The following RALYL variants were observed in gnomAD, a reference collection of about 807,000 sequenced individuals.
The protein encoded by RALYL is RALY RNA binding protein like.
In RALYL, 29 loss-of-function variants were observed where a neutral mutation model predicts 35.1. That is an observed-to-expected ratio of 0.83 (90% CI 0.61 to 1.13). The LOEUF is 1.13. Among genes scored for constraint, RALYL ranks in the 50% most tolerant of loss-of-function variants. The pLI is 0.00. For synonymous variants in RALYL, 120 were observed against 127.6 expected (o/e 0.94, Z 0.40); for missense variants, 359 against 360.4 (o/e 1.00, Z 0.03).
At chr8:84,238,670 A>C (rs1424772597) in intron 1 of RALYL, among the ~76,000 whole-genome samples, 1 of 152,140 alleles carries the variant, frequency 6.6e-6, no homozygotes, top group Non-Finnish European at 1.5e-5. Context: ...AGATAGGAAA[A>C]GTGATGAAAA....
At chr8:84,891,433 G>A (rs1027141941) in intron 8 of RALYL, among the ~76,000 whole-genome samples, 2 of 152,132 alleles carry the variant, frequency 1.3e-5, no homozygotes, top group African/African-American at 2.4e-5. Context: ...ATGTTTCCTA[G>A]GAGCAATATG....
chr8:84,840,679 T>C (rs189614960), intron 4 of RALYL, among the ~76,000 whole-genome samples: 1 of 151,986 alleles, frequency 6.6e-6, no homozygotes, highest in African/African-American at 2.4e-5. Context: ...ATTCACCAAA[T>C]TTGAAATGAA....
chr8:84,688,316 G>A lies in RALYL; in HGVS notation c.257-86263G>A, dbSNP rs371503659. ...ATAAAGGCAAATATGTATCCAATAAGATAATTTCAAAATATACTACAATGT... is the reference window on the plus strand; with the variant it reads ...ATAAAGGCAAATATGTATCCAATAAAATAATTTCAAAATATACTACAATGT... On this transcript the variant is annotated intron_variant, in intron 2 of 8. Coordinates refer to ENST00000521268, the MANE Select transcript of RALYL (RefSeq NM_173848.7). Among the ~76,000 whole-genome samples the A allele has an allele frequency of 1.1e-4, 16 of 152,076 alleles. No individual in the cohort carries two copies. The East Asian group carries it at 2.5e-3, about 24-fold the overall frequency.
chr8:84,781,256 A>C (rs1818087409), intron 3 of RALYL, among the ~76,000 whole-genome samples: 1 of 152,232 alleles, frequency 6.6e-6, no homozygotes, highest in Non-Finnish European at 1.5e-5. Context: ...AACTTCTTTA[A>C]AAATAAAATT....
At chr8:84,357,378 A>G (rs1056446114) in intron 1 of RALYL, among the ~76,000 whole-genome samples, 1 of 152,020 alleles carries the variant, frequency 6.6e-6, no homozygotes, top group Admixed American at 6.6e-5. Flanking sequence ...TATAGCTGTT[A>G]CAGACATTCA....
chr8:84,422,432 T>A (rs1233575227), intron 1 of RALYL, among the ~76,000 whole-genome samples: 3 of 133,752 alleles, frequency 2.2e-5, no homozygotes, highest in Non-Finnish European at 4.7e-5. Context: ...ATTTGATTCT[T>A]CTCTCTTTTT....
intron 8 of RALYL, among the ~76,000 whole-genome samples, chr8:84,887,982 G>A (rs1193080074): frequency 6.6e-6 from 1 of 152,178 alleles, no homozygotes; most frequent in Non-Finnish European, 1.5e-5. Flanking sequence ...CTAAATGAAG[G>A]AGCAAAATAA....
intron 2 of RALYL, among the ~76,000 whole-genome samples, chr8:84,580,087 C>A (rs1172272734): frequency 6.6e-6 from 1 of 152,114 alleles, no homozygotes; most frequent in Non-Finnish European, 1.5e-5. Flanking sequence ...ATACTTATGG[C>A]ACATCTCTAT....
intron 5 of RALYL, 43 bp from the exon 6 acceptor site, chr8:84,862,253 C>T (rs375399628): frequency 1.4e-4 from 202 of 1,405,996 alleles, no homozygotes; most frequent in Non-Finnish European, 1.8e-4. Flanking sequence ...ATAGAACTCT[C>T]GGGCATCAAA....
intron 2 of RALYL, among the ~76,000 whole-genome samples, chr8:84,713,862 A>G (rs1199696739): frequency 1.3e-5 from 2 of 151,314 alleles, no homozygotes; most frequent in East Asian, 1.9e-4. Flanking sequence ...GATAAAATAT[A>G]TGATATATAT....
chr8:84,239,621 TGGCTCACG>T (rs1204439710), intron 1 of RALYL, among the ~76,000 whole-genome samples: 1 of 152,066 alleles, frequency 6.6e-6, no homozygotes, highest in African/African-American at 2.4e-5. Context: ...TGGGGCGTGG[TGGCTCACG>T]CCTGTAGTCC....
chr8:84,344,428 G>T (rs1168059278), intron 1 of RALYL, among the ~76,000 whole-genome samples: 1 of 151,990 alleles, frequency 6.6e-6, no homozygotes, highest in African/African-American at 2.4e-5. Context: ...GTGAATAAAT[G>T]AGTCTGTTGG....
intron 2 of RALYL, among the ~76,000 whole-genome samples, chr8:84,559,202 T>C (rs2061331352): frequency 6.6e-6 from 1 of 152,110 alleles, no homozygotes; most frequent in East Asian, 1.9e-4. Context: ...TTCATATTAA[T>C]TTAATTATTG....
intron 2 of RALYL, among the ~76,000 whole-genome samples, chr8:84,530,570 A>G (rs1465633595): frequency 6.6e-6 from 1 of 151,944 alleles, no homozygotes; most frequent in Non-Finnish European, 1.5e-5. Flanking sequence ...GTCCAAACCC[A>G]ATCTCCTTTT....
At chr8:84,464,644 G>A (rs2051298599) in intron 1 of RALYL, among the ~76,000 whole-genome samples, 4 of 151,698 alleles carry the variant, frequency 2.6e-5, no homozygotes, top group Admixed American at 2.6e-4. Flanking sequence ...ATAGTCCTTT[G>A]GGTATATACC....
At chr8:84,383,710 G>C (rs913905988) in intron 1 of RALYL, among the ~76,000 whole-genome samples, 3 of 150,700 alleles carry the variant, frequency 2.0e-5, no homozygotes, top group African/African-American at 7.3e-5. Flanking sequence ...TGAAGATCTG[G>C]GTTAAGGTTG....
At chr8:84,319,058 G>C (rs1335387015) in intron 1 of RALYL, among the ~76,000 whole-genome samples, 3 of 152,074 alleles carry the variant, frequency 2.0e-5, no homozygotes. Context: ...TCAACGAAGA[G>C]CTATTTTCCT....
chr8:84,745,364 C>T (rs1034019163), intron 2 of RALYL, among the ~76,000 whole-genome samples: 11 of 151,858 alleles, frequency 7.2e-5, no homozygotes, highest in Non-Finnish European at 1.0e-4. Context: ...TTTTTAAATG[C>T]GTCTATGATG....
At chr8:84,349,817 C>A (rs1358138682) in intron 1 of RALYL, among the ~76,000 whole-genome samples, 1 of 150,178 alleles carries the variant, frequency 6.7e-6, no homozygotes, top group Non-Finnish European at 1.5e-5. Context: ...AACTACCATG[C>A]AATGAGATGG....
Sources: gnomAD v4.1 joint callset for allele counts (sites outside exome capture counted in the v4.1 genomes callset) on GRCh38, gnomAD v4.1.1 for gene constraint, MANE v1.5 for transcripts, NCBI Gene and HGNC (gene_info 2026-07-23, HGNC 2026-07-21) for gene names.